The following FSD1L variants were observed in gnomAD, a reference collection of about 807,000 sequenced individuals.
FSD1L encodes fibronectin type III and SPRY domain containing 1 like.
A neutral mutation model predicts 71.6 loss-of-function variants in FSD1L; 45 were observed. The observed-to-expected ratio is 0.63, with a 90% CI of 0.49 to 0.81. FSD1L has a LOEUF of 0.81. Among genes scored for constraint, FSD1L ranks in the 30% least tolerant of loss-of-function variants. FSD1L has a pLI of 0.00. For missense variants in FSD1L, 561 were observed against 618.1 expected (o/e 0.91, Z 0.98); for synonymous variants, 197 against 207.2 (o/e 0.95, Z 0.42).
At chr9:105,484,703 C>T (rs1463380503) in intron 7 of FSD1L, among the ~76,000 whole-genome samples, 3 of 151,644 alleles carry the variant, frequency 2.0e-5, no homozygotes, top group African/African-American at 4.8e-5. Flanking sequence ...TTTCAGAATC[C>T]TATCAAGGGA....
intron 7 of FSD1L, among the ~76,000 whole-genome samples, chr9:105,495,705 G>A (rs529015400): frequency 6.6e-5 from 10 of 152,302 alleles, no homozygotes; most frequent in East Asian, 1.9e-4. Context: ...GGCCGGGCGC[G>A]GTGGCTCACG....
In FSD1L at chr9:105,548,518, T is replaced by G. The variant is rs1201479096; in HGVS notation, c.*2035T>G. The G allele has an allele frequency of 6.6e-6, 1 of 152,544 alleles. No homozygotes were observed. The highest frequency in any genetic ancestry group is 1.5e-5 in the Non-Finnish European group (1 of 67,974). The allele number at this position is 152,544 out of a possible 1,614,324, so 9.4% of individuals were successfully genotyped here. On this transcript the variant is annotated 3_prime_UTR_variant, in exon 14 of 14. Coordinates refer to ENST00000481272, the MANE Select transcript of FSD1L (RefSeq NM_001145313.3). ...TGCCCCATGCAGTGTCAACTGATGT[T>G]TAAGCTACAGAGCATTGTTGTAGTG...
In FSD1L at chr9:105,522,981, C is replaced by G. The variant is rs373242603; in HGVS notation, c.1025+10045C>G. 12 of 1,614,008 alleles carry G rather than the reference C, an allele frequency of 7.4e-6. No individual in the cohort carries two copies. The South Asian group carries it at 1.3e-4, about 18-fold the overall frequency. On this transcript the variant is annotated intron_variant, in intron 10 of 13. Coordinates refer to ENST00000481272, the MANE Select transcript of FSD1L (RefSeq NM_001145313.3). ...CAGTGATCTTATCAGCTCAGATAGT[C>G]ATTCGGATTCTTTCAGCGCTTTCCA...
rs1324344856 is a variant in FSD1L, at chr9:105,547,325, C to G, written c.*842C>G. 1 of 152,316 alleles carries G rather than the reference C, an allele frequency of 6.6e-6. No individual in the cohort carries two copies. Among genetic ancestry groups the G allele is most frequent in the African/African-American group, 2.4e-5 (1 of 41,384 alleles). The allele number at this position is 152,316 out of a possible 1,614,324, so 9.4% of individuals were successfully genotyped here. ...GTAAAATTCCCACTTGAATGTGACA[C>G]TGATAATAATTATGCTGATTTTTAG... On this transcript the variant is annotated 3_prime_UTR_variant, in exon 14 of 14. Coordinates refer to ENST00000481272, the MANE Select transcript of FSD1L (RefSeq NM_001145313.3).
At chr9:105,516,120 C>T (rs1834702534) in intron 10 of FSD1L, among the ~76,000 whole-genome samples, 1 of 152,176 alleles carries the variant, frequency 6.6e-6, no homozygotes, top group Admixed American at 6.5e-5. Context: ...CTCAGCAAGG[C>T]CACTGTGGCC....
intron 5 of FSD1L, among the ~76,000 whole-genome samples, chr9:105,476,506 A>G (rs1230664697): frequency 3.3e-5 from 5 of 152,330 alleles, no homozygotes; most frequent in African/African-American, 4.8e-5. Flanking sequence ...TTGAGCCTAC[A>G]TAATTCCATG....
chr9:105,462,468 G>A (rs948593489), intron 2 of FSD1L, among the ~76,000 whole-genome samples: 3 of 149,176 alleles, frequency 2.0e-5, no homozygotes, highest in South Asian at 2.1e-4. Flanking sequence ...TGATCCACCC[G>A]CCTCAGCATC....
chr9:105,528,126 CAAGGAAAT>C (rs1564142745), intron 10 of FSD1L, among the ~76,000 whole-genome samples: 1 of 152,130 alleles, frequency 6.6e-6, no homozygotes, highest in Non-Finnish European at 1.5e-5. Flanking sequence ...AACCACTACT[CAAGGAAAT>C]AAGGGAGGAC....
At chr9:105,446,075 A>C (rs575959494), upstream of FSD1L, among the ~76,000 whole-genome samples, 67 of 151,902 alleles carry the variant, frequency 4.4e-4, no homozygotes, top group Admixed American at 1.8e-3. Context: ...AGCTGGGGAT[A>C]CAGATATGGG....
intron 1 of FSD1L, among the ~76,000 whole-genome samples, chr9:105,460,428 A>T (rs547107465): frequency 1.8e-4 from 27 of 151,966 alleles, no homozygotes; most frequent in Non-Finnish European, 1.9e-4. Flanking sequence ...CATCTCTACC[A>T]AAAAATACAA....
At chr9:105,459,837 G>T (rs1194599761) in intron 1 of FSD1L, among the ~76,000 whole-genome samples, 1 of 152,198 alleles carries the variant, frequency 6.6e-6, no homozygotes, top group Non-Finnish European at 1.5e-5. Flanking sequence ...TGTAGCCAAG[G>T]CTCTGAAGCC....
rs1170948092 is a variant in FSD1L, at chr9:105,529,796, TCA to T, written c.1026-4690_1026-4689del. 2.0e-5 allele frequency among the ~76,000 whole-genome samples: 3 copies of T among 151,180 alleles called. No individual in the cohort carries two copies. The East Asian group carries it at 5.8e-4, about 29-fold the overall frequency. ...TATTAAAAAAAAAAGAGAAAAAAAA[TCA>T]CACACAGGATTTGGGTCTGGAGCAA... On this transcript the variant is annotated intron_variant, in intron 10 of 13. Coordinates refer to ENST00000481272, the MANE Select transcript of FSD1L (RefSeq NM_001145313.3).
chr9:105,532,050 T>C (rs931890539), intron 10 of FSD1L, among the ~76,000 whole-genome samples: 5 of 152,192 alleles, frequency 3.3e-5, no homozygotes, highest in Non-Finnish European at 7.4e-5. Flanking sequence ...GAGGAAGCCC[T>C]AAATCTGGCT....
intron 1 of FSD1L, among the ~76,000 whole-genome samples, chr9:105,452,695 C>CTTCCTTCCTTCCTTCT (rs1830109899): frequency 1.4e-5 from 2 of 147,636 alleles, no homozygotes; most frequent in Non-Finnish European, 3.0e-5. Flanking sequence ...TCCTTCCTTC[C>CTTCCTTCCTTCCTTCT]TTCCTTCCTT....
At chr9:105,540,311 T>C (rs1836528610) in intron 13 of FSD1L, among the ~76,000 whole-genome samples, 1 of 152,126 alleles carries the variant, frequency 6.6e-6, no homozygotes, top group Non-Finnish European at 1.5e-5. Context: ...CTTTTGCTTG[T>C]ATTTCTATTA....
At chr9:105,499,851 A>G (rs1297784452) in intron 7 of FSD1L, among the ~76,000 whole-genome samples, 2 of 151,810 alleles carry the variant, frequency 1.3e-5, no homozygotes, top group Non-Finnish European at 2.9e-5. Context: ...TAAATTTTGG[A>G]TATTCTGTTC....
intron 13 of FSD1L, among the ~76,000 whole-genome samples, chr9:105,543,362 C>A (rs1836751754): frequency 6.6e-6 from 1 of 152,090 alleles, no homozygotes; most frequent in South Asian, 2.1e-4. Context: ...GACTGTGTCC[C>A]AAATCTTATG....
chr9:105,510,572 A>G (rs1009343094), intron 9 of FSD1L, among the ~76,000 whole-genome samples: 2 of 152,174 alleles, frequency 1.3e-5, no homozygotes, highest in African/African-American at 4.8e-5. Flanking sequence ...GAGCCTACCA[A>G]AATTTCATAT....
intron 1 of FSD1L, among the ~76,000 whole-genome samples, chr9:105,451,716 G>T (rs1724983525): frequency 6.6e-6 from 1 of 152,170 alleles, no homozygotes; most frequent in African/African-American, 2.4e-5. Context: ...TTTTGATTAT[G>T]CCTTTAAACG....
Sources: allele counts gnomAD v4.1 joint callset (sites outside exome capture counted in the v4.1 genomes callset), GRCh38; gene constraint gnomAD v4.1.1; transcripts MANE v1.5; gene names NCBI Gene and HGNC (gene_info 2026-07-23, HGNC 2026-07-21).